Variants in KIF2C observed in about 807,000 individuals in gnomAD.
KIF2C encodes the protein kinesin family member 2C.
In KIF2C, 34 loss-of-function variants were observed where a neutral mutation model predicts 97.4. The ratio of observed to expected loss-of-function variants is 0.35; its 90% CI spans 0.27 to 0.46. The LOEUF is 0.46. Among genes scored for constraint, KIF2C ranks in the 20% least tolerant of loss-of-function variants. KIF2C has a pLI of 1.00. For synonymous variants in KIF2C, 313 were observed against 318.2 expected (o/e 0.98, Z 0.17); for missense variants, 750 against 907.6 (o/e 0.83, Z 2.23).
At chr1:44,747,328 A>G in intron 2 of KIF2C, 56 bp from the exon 3 acceptor site, 1 of 1,415,438 alleles carries the variant, frequency 7.1e-7, no homozygotes, top group Non-Finnish European at 9.8e-7. Flanking sequence ...AAAAAGAAAA[A>G]ATGTATTTGG....
At chr1:44,753,062 G>A in intron 5 of KIF2C, 70 bp from the exon 6 acceptor site, 1 of 1,542,452 alleles carries the variant, frequency 6.5e-7, no homozygotes, top group Non-Finnish European at 8.8e-7. Flanking sequence ...CCATAACCAG[G>A]GCCATGGGCT....
intron 4 of KIF2C, 143 bp from the exon 5 acceptor site, chr1:44,750,299 C>T (rs760034463): frequency 2.0e-4 from 175 of 878,722 alleles, no homozygotes; most frequent in Non-Finnish European, 2.7e-4. Flanking sequence ...TCTAATTTTT[C>T]CTTTCTAAGG....
rs1344479150 is a variant in KIF2C at position 44,759,284 on chromosome 1, C to A, written c.1303C>A (p.Gln435Lys). The change falls in exon 14 of 21, where the codon CAG (glutamine) becomes AAG (lysine). Residue 435 changes from glutamine (Q) to lysine (K), a missense_variant. Transcript: ENST00000372224. ...GCAACAGGTGCAAGTGGTGGGGCTGCAGGAGCATCTGGTTAACTCTGCTGA... is the reference window on the plus strand; with the variant it reads ...GCAACAGGTGCAAGTGGTGGGGCTGAAGGAGCATCTGGTTAACTCTGCTGA... ...GKQQVQVVGL[Q>K]EHLVNSADDV... is the part of the protein sequence containing the mutation. 1 of 1,614,194 alleles carries A rather than the reference C, an allele frequency of 6.2e-7. No homozygotes were observed. Among genetic ancestry groups the A allele is most frequent in the Non-Finnish European group, 8.5e-7 (1 of 1,180,036 alleles).
Position 44,754,846 on chromosome 1 carries a change from G to A in KIF2C, c.759+1G>A. The A allele has an allele frequency of 2.6e-6, 4 of 1,565,664 alleles. No homozygotes were observed. Among genetic ancestry groups the A allele is most frequent in the South Asian group, 2.2e-5 (2 of 89,978 alleles). On this transcript the variant is annotated splice_donor_variant, in intron 8 of 20. Transcript: ENST00000372224. LOFTEE classifies it high-confidence loss of function. ...TCATCCACTTACTATGACTGATCCT[G>A]TAAGTACATCCAAAGAACTTCTCTT...
chr1:44,763,790 C>T (rs1489296143), intron 19 of KIF2C, among the ~76,000 whole-genome samples: 1 of 152,114 alleles, frequency 6.6e-6, no homozygotes, highest in Non-Finnish European at 1.5e-5. Context: ...AATCCCAACA[C>T]GTTGGGAGGC....
Position 44,750,487 on chromosome 1 carries a change from G to T in KIF2C, c.362G>T (p.Arg121Leu), listed in dbSNP as rs551429749. ...CGCATGTCCACTGTCTCAGAGCTTC[G>T]CATCACGGCTCAGGAGAATGACATG... ...STRMSTVSELRITAQENDMEV... is the reference protein window; with the variant it reads ...STRMSTVSELLITAQENDMEV... The change falls in exon 5 of 21, where the codon CGC becomes CTC. Residue 121 changes from arginine to leucine, a missense_variant. Arg to Leu is a moderately radical substitution (Grantham distance 102). Transcript: ENST00000372224. The T allele has an allele frequency of 3.1e-6, 5 of 1,590,326 alleles. No homozygotes were observed. Among genetic ancestry groups the T allele is most frequent in the Non-Finnish European group, 4.3e-6 (5 of 1,166,280 alleles).
chr1:44,762,686 T>C (rs769019209), intron 19 of KIF2C, 28 bp downstream of exon 19: 14 of 1,475,820 alleles, frequency 9.5e-6, no homozygotes, highest in African/African-American at 1.4e-5. Context: ...GACAGGGAGC[T>C]GGATGCAGCA....
chr1:44,754,606 C>T (rs1649715684), intron 7 of KIF2C, 144 bp from the exon 8 acceptor site: 5 of 725,442 alleles, frequency 6.9e-6, no homozygotes, highest in Non-Finnish European at 1.2e-5. Flanking sequence ...GTGCTTTGTA[C>T]CTGGCTTCTC....
At chr1:44,747,508 C>G (rs1354366729) in intron 3 of KIF2C, 23 bp downstream of exon 3, 1 of 1,584,932 alleles carries the variant, frequency 6.3e-7, no homozygotes, top group Non-Finnish European at 8.6e-7. Context: ...CATCTGGCTG[C>G]AGCCAGTGCG....
At chr1:44,751,388 G>A (rs55703843) in intron 5 of KIF2C, among the ~76,000 whole-genome samples, 25,199 of 151,932 alleles carry the variant, frequency 0.17, 2,316 homozygotes, top group Non-Finnish European at 0.2. Context: ...TAGGGGTGGG[G>A]TATCGCCATG....
intron 19 of KIF2C, among the ~76,000 whole-genome samples, chr1:44,765,670 TA>T (rs1376425084): frequency 6.6e-6 from 1 of 152,002 alleles, no homozygotes; most frequent in East Asian, 1.9e-4. Context: ...CTGTCTCTAC[TA>T]AAAAATAAAA....
chr1:44,748,009 G>GC (rs775765918), intron 4 of KIF2C, among the ~76,000 whole-genome samples: 8 of 152,224 alleles, frequency 5.3e-5, no homozygotes, highest in Non-Finnish European at 7.3e-5. Flanking sequence ...TCGGGGCTCA[G>GC]CCCCCTCAGT....
chr1:44,755,787 A>G, intron 8 of KIF2C, 142 bp from the exon 9 acceptor site: 1 of 683,780 alleles, frequency 1.5e-6, no homozygotes, highest in Non-Finnish European at 2.6e-6. Flanking sequence ...TATCTAATGG[A>G]GGATGCAGGG....
At chr1:44,741,521 C>CA (rs1446545623) in intron 2 of KIF2C, among the ~76,000 whole-genome samples, 2 of 151,738 alleles carry the variant, frequency 1.3e-5, no homozygotes, top group Non-Finnish European at 2.9e-5. Context: ...CTTGTCTCTA[C>CA]AAAAAAATTA....
chr1:44,755,863 G>A lies in KIF2C; in HGVS notation c.760-66G>A. Reference sequence around the variant, plus strand: ...GGGATTGGAAGGGGTGGGAGTTCTGGACAAGCTCGCTTTTGAAATTGCTCT... The same window carrying A: ...GGGATTGGAAGGGGTGGGAGTTCTGAACAAGCTCGCTTTTGAAATTGCTCT... On this transcript the variant is annotated intron_variant, in intron 8 of 20. Transcript: ENST00000372224. 4 of 1,519,484 alleles carry A rather than the reference G, an allele frequency of 2.6e-6. No individual in the cohort carries two copies. The Admixed American group carries it at 6.7e-5, about 26-fold the overall frequency. The allele number at this position is 1,519,484 out of a possible 1,614,324, so 94.1% of individuals were successfully genotyped here.
At chr1:44,761,132 T>C (rs1187839825) in intron 16 of KIF2C, 2 of 185,344 alleles carry the variant, frequency 1.1e-5, no homozygotes, top group Non-Finnish European at 2.3e-5. Flanking sequence ...TTTCCTGTTT[T>C]ATCCCCAAGC....
intron 20 of KIF2C, 24 bp downstream of exon 20, chr1:44,766,973 A>G: frequency 1.9e-6 from 3 of 1,613,928 alleles, no homozygotes; most frequent in South Asian, 2.2e-5. Context: ...GATGGGGTGC[A>G]GGTGGACGAT....
chr1:44,755,196 A>G (rs1330013357), intron 8 of KIF2C, among the ~76,000 whole-genome samples: 2 of 152,134 alleles, frequency 1.3e-5, no homozygotes, highest in Non-Finnish European at 2.9e-5. Context: ...GGGTTCAAGG[A>G]ATCCGCCTAC....
At chr1:44,758,791 G>A (rs1185029466) in intron 13 of KIF2C, among the ~76,000 whole-genome samples, 2 of 152,096 alleles carry the variant, frequency 1.3e-5, no homozygotes, top group Non-Finnish European at 2.9e-5. Flanking sequence ...CAGGAGAATC[G>A]CTTGAATCCA....
Sources: allele counts gnomAD v4.1 joint callset (sites outside exome capture counted in the v4.1 genomes callset), GRCh38; gene constraint gnomAD v4.1.1; transcripts MANE v1.5; gene names NCBI Gene and HGNC (gene_info 2026-07-23, HGNC 2026-07-21).